Variants in FGF13 observed in about 807,000 individuals in gnomAD.
FGF13 encodes fibroblast growth factor homologous factor 2.
Under a neutral mutation model 19.5 loss-of-function variants are expected in FGF13, and 2 were observed. The observed-to-expected ratio is 0.10, with a 90% CI of 0.04 to 0.32. The LOEUF (loss-of-function observed/expected upper bound fraction) is 0.32. Ranked by LOEUF, FGF13 falls within the 10% of genes least tolerant of loss-of-function variation. The pLI is 1.00. For missense variants in FGF13, 113 were observed against 192.7 expected (o/e 0.59, Z 2.45); for synonymous variants, 72 against 76.9 (o/e 0.94, Z 0.33).
At chrX:138,657,989 A>G (rs1295927481) in intron 3 of FGF13, among the ~76,000 whole-genome samples, 6 of 111,448 alleles carry the variant, frequency 5.4e-5, no homozygotes, top group Non-Finnish European at 9.4e-5. Flanking sequence ...TCAAATATTT[A>G]TTATGCTTAA....
rs751060957 is a variant in FGF13, at chrX:138,768,406, C to T, written c.218-59478G>A. Among the ~76,000 whole-genome samples, 12 of 110,170 alleles carry T rather than the reference C, an allele frequency of 1.1e-4. No individual in the cohort carries two copies. The East Asian group carries it at 3.1e-3, about 29-fold the overall frequency. The stretch of plus-strand genomic sequence containing the variant: ...TGTTCCAATTTAGGATAGAGGTTAC[C>T]CTTAAGGGTTAGTGACCACAGTGGC... On this transcript the variant is annotated intron_variant, in intron 3 of 6. Coordinates refer to the FGF13 transcript ENST00000436198.
intron 1 of FGF13, among the ~76,000 whole-genome samples, chrX:138,906,937 A>G (rs1227767131): frequency 8.9e-6 from 1 of 112,053 alleles, no homozygotes; most frequent in Non-Finnish European, 1.9e-5. Flanking sequence ...GCAGATCATT[A>G]TTCCACCTGC....
chrX:139,165,910 C>A (rs765564348), intron 1 of FGF13, among the ~76,000 whole-genome samples: 57 of 111,930 alleles, frequency 5.1e-4, no homozygotes, highest in African/African-American at 1.8e-3. Context: ...TGTATTTACC[C>A]AATGCCTGTA....
chrX:139,182,580 A>T lies in FGF13; in HGVS notation c.-113+20836T>A, dbSNP rs149445714. Among the ~76,000 whole-genome samples the T allele has an allele frequency of 0.011, 1,236 of 112,079 alleles. 55 individuals carry two copies. The East Asian group carries it at 0.14, about 13-fold the overall frequency. On this transcript the variant is annotated intron_variant, in intron 1 of 2. Coordinates refer to the FGF13 transcript ENST00000421460. ...GCTGATTCGGGCCTGTCACTTTCAC[A>T]ACACATTATCTTTTATCTGTCAATA...
intron 3 of FGF13, among the ~76,000 whole-genome samples, chrX:138,781,476 A>G (rs1346750401): frequency 1.8e-5 from 2 of 109,461 alleles, no homozygotes. Flanking sequence ...AAAAAATGAT[A>G]AAGGGGATAT....
intron 1 of FGF13, among the ~76,000 whole-genome samples, chrX:139,032,394 T>C (rs777407876): frequency 9.0e-6 from 1 of 111,425 alleles, no homozygotes; most frequent in Non-Finnish European, 1.9e-5. Context: ...AGGGTTCTTT[T>C]GAAGCACAGT....
intron 1 of FGF13, among the ~76,000 whole-genome samples, chrX:138,950,467 A>G (rs1281753437): frequency 1.8e-5 from 2 of 111,738 alleles, no homozygotes; most frequent in African/African-American, 6.5e-5. Context: ...ACCTCTTTCG[A>G]TAGATGATAG....
chrX:138,642,799 G>C (rs1340963641), intron 3 of FGF13, among the ~76,000 whole-genome samples: 1 of 111,788 alleles, frequency 8.9e-6, no homozygotes, highest in African/African-American at 3.3e-5. Context: ...TGAAATGGCT[G>C]CAGTAATCCA....
chrX:139,073,140 C>G (rs73243308), intron 1 of FGF13, among the ~76,000 whole-genome samples: 29 of 104,799 alleles, frequency 2.8e-4, no homozygotes, highest in Non-Finnish European at 5.3e-4. Context: ...TTTTCCCCCC[C>G]CCCTTTTCTG....
chrX:138,759,518 C>T (rs2090452300), intron 3 of FGF13, among the ~76,000 whole-genome samples: 2 of 112,189 alleles, frequency 1.8e-5, no homozygotes, highest in African/African-American at 6.5e-5. Flanking sequence ...GGAGCAGCTA[C>T]AAAAGATCAG....
rs1279931182 is a variant in FGF13 at position 138,618,651 on chromosome X, C to T, written c.*14199G>A. On this transcript the variant is annotated 3_prime_UTR_variant, in exon 5 of 5. Transcript: ENST00000315930. The stretch of plus-strand genomic sequence containing the variant: ...TCCCTCTCTCCTCTACCTTGGCTTG[C>T]TCCCTGCACACGGCCCAAACCCTGA... 2.7e-5 allele frequency: 3 copies of T among 111,527 alleles called. No homozygotes were observed. The highest frequency in any genetic ancestry group is 9.6e-5 in the Admixed American group (1 of 10,453). 9.2% of individuals were successfully genotyped at this position (111,527 alleles called of 1,213,427 possible). A position where few individuals can be genotyped will look rare whatever the true frequency, so the allele number is the denominator to read the frequency against.
chrX:138,725,472 AGT>A lies in FGF13; in HGVS notation c.28+13768_28+13769del, dbSNP rs1193861773. 5.3e-4 allele frequency among the ~76,000 whole-genome samples: 59 copies of A among 111,367 alleles called. 1 individual carries two copies. In the Admixed American group the frequency reaches 5.6e-3, roughly 11 times the overall value. On this transcript the variant is annotated intron_variant, in intron 1 of 4. Coordinates refer to the FGF13 transcript ENST00000305414. ...ATAAAACTCCCTGGATCTAAGAGCC[AGT>A]GCACGAGAAGTCAAAATGGGTCAAG...
upstream of FGF13, among the ~76,000 whole-genome samples, chrX:138,744,012 A>G (rs1015702824): frequency 1.1e-4 from 12 of 111,208 alleles, no homozygotes; most frequent in Admixed American, 9.6e-4. Context: ...AGTGAATCCA[A>G]TTGCTTGAAG....
chrX:138,779,207 G>C (rs1482041897), intron 3 of FGF13, among the ~76,000 whole-genome samples: 1 of 110,260 alleles, frequency 9.1e-6, no homozygotes, highest in Non-Finnish European at 1.9e-5. Flanking sequence ...AAACCACAAA[G>C]ATGGGGAAAA....
intron 1 of FGF13, among the ~76,000 whole-genome samples, chrX:139,014,620 C>G (rs770885958): frequency 9.0e-6 from 1 of 111,288 alleles, no homozygotes; most frequent in Admixed American, 9.5e-5. Context: ...GTAGAATTCA[C>G]TGTTGAATTC....
intron 3 of FGF13, among the ~76,000 whole-genome samples, chrX:138,653,291 C>T (rs2089397586): frequency 9.0e-6 from 1 of 111,170 alleles, no homozygotes. Flanking sequence ...CCACAACTTG[C>T]TAATTAAGTA....
At chrX:138,828,439 G>A (rs868512232) in intron 3 of FGF13, among the ~76,000 whole-genome samples, 3 of 109,808 alleles carry the variant, frequency 2.7e-5, no homozygotes, top group Non-Finnish European at 3.8e-5. Context: ...GCGTGGTGGC[G>A]GGCGCCTGTA....
chrX:138,763,336 G>T (rs1238965061), intron 3 of FGF13, among the ~76,000 whole-genome samples: 1 of 110,403 alleles, frequency 9.1e-6, no homozygotes, highest in Non-Finnish European at 1.9e-5. Context: ...TATTTGGGTG[G>T]ATACTTACTA....
chrX:138,925,899 G>A (rs1464874332), intron 1 of FGF13, among the ~76,000 whole-genome samples: 1 of 111,841 alleles, frequency 8.9e-6, no homozygotes, highest in Non-Finnish European at 1.9e-5. Context: ...AAGAGGGCAT[G>A]GAAGAGCTCA....
Sources: allele counts gnomAD v4.1 joint callset (sites outside exome capture counted in the v4.1 genomes callset), GRCh38; gene constraint gnomAD v4.1.1; transcripts MANE v1.5; gene names NCBI Gene and HGNC (gene_info 2026-07-23, HGNC 2026-07-21).